TMEFF1: variants seen among roughly 807,000 people sequenced by gnomAD.
The protein encoded by TMEFF1 is transmembrane protein with EGF like and two follistatin like domains 1, also known as tomoregulin-1.
Under a neutral mutation model 47.5 loss-of-function variants are expected in TMEFF1, and 20 were observed. The ratio of observed to expected loss-of-function variants is 0.42; its 90% confidence interval spans 0.30 to 0.61. The LOEUF (loss-of-function observed/expected upper bound fraction) is 0.61. TMEFF1 is among the 20% of genes least tolerant of loss of function. The pLI, the probability that TMEFF1 is intolerant of heterozygous loss-of-function variation, is 0.19. For missense variants in TMEFF1, 411 were observed against 471.1 expected (o/e 0.87, Z 1.18); for synonymous variants, 162 against 166.3 (o/e 0.97, Z 0.20).
At chr9:100,531,472 G>T (rs1042971962) in intron 5 of TMEFF1, among the ~76,000 whole-genome samples, 35 of 152,206 alleles carry the variant, frequency 2.3e-4, no homozygotes, top group Admixed American at 2.0e-4. Context: ...AATCATGAGT[G>T]AGCTCCCATT....
At chr9:100,573,885 A>T (rs535429138) in intron 9 of TMEFF1, among the ~76,000 whole-genome samples, 2 of 152,290 alleles carry the variant, frequency 1.3e-5, no homozygotes, top group African/African-American at 4.8e-5. Context: ...ATTGGACGGT[A>T]GATCAAAGTA....
chr9:100,566,729 G>A (rs538279365), intron 8 of TMEFF1, among the ~76,000 whole-genome samples: 100 of 151,508 alleles, frequency 6.6e-4, no homozygotes, highest in Non-Finnish European at 1.1e-3. Context: ...TTTTGAGACA[G>A]GGTCTCACTC....
chr9:100,504,179 G>A (rs1837815794), intron 2 of TMEFF1, among the ~76,000 whole-genome samples: 1 of 152,178 alleles, frequency 6.6e-6, no homozygotes, highest in Non-Finnish European at 1.5e-5. Flanking sequence ...GCAGACTTTA[G>A]GTTAGACTTA....
intron 7 of TMEFF1, among the ~76,000 whole-genome samples, chr9:100,556,694 G>A (rs1838921102): frequency 6.6e-6 from 1 of 152,148 alleles, no homozygotes. Context: ...AAACCAGATG[G>A]CCTCCAAGGA....
intron 7 of TMEFF1, among the ~76,000 whole-genome samples, chr9:100,551,829 T>C (rs1336267974): frequency 6.6e-6 from 1 of 152,242 alleles, no homozygotes; most frequent in Admixed American, 6.5e-5. Flanking sequence ...AGAAATTGAT[T>C]ATTGCTATAA....
chr9:100,511,143 G>A (rs1026648400), intron 3 of TMEFF1, among the ~76,000 whole-genome samples: 3 of 152,160 alleles, frequency 2.0e-5, no homozygotes, highest in Admixed American at 2.0e-4. Context: ...AGTAGACTAT[G>A]ATTTGGTGTG....
intron 1 of TMEFF1, among the ~76,000 whole-genome samples, chr9:100,489,459 G>A (rs1463928574): frequency 6.6e-6 from 1 of 152,082 alleles, no homozygotes. Flanking sequence ...CCAAAGTGTT[G>A]GGATTACAGG....
At chr9:100,474,797 C>T (rs902776880) in intron 1 of TMEFF1, among the ~76,000 whole-genome samples, 3 of 151,966 alleles carry the variant, frequency 2.0e-5, no homozygotes, top group African/African-American at 7.3e-5. Context: ...AGGCCGCTTG[C>T]CCCCCCACAG....
intron 5 of TMEFF1, among the ~76,000 whole-genome samples, chr9:100,536,334 T>G (rs912552341): frequency 6.6e-6 from 1 of 152,196 alleles, no homozygotes; most frequent in African/African-American, 2.4e-5. Flanking sequence ...CTCAAAAAAT[T>G]TTTTAAATGA....
intron 5 of TMEFF1, among the ~76,000 whole-genome samples, chr9:100,537,856 G>A (rs1262318439): frequency 6.6e-6 from 1 of 151,852 alleles, no homozygotes; most frequent in Non-Finnish European, 1.5e-5. Context: ...TTCACCTCTT[G>A]TTTTCCAGAA....
At chr9:100,548,822 C>G (rs1838783578) in intron 6 of TMEFF1, among the ~76,000 whole-genome samples, 1 of 152,112 alleles carries the variant, frequency 6.6e-6, no homozygotes, top group Non-Finnish European at 1.5e-5. Flanking sequence ...GCTCATCAGA[C>G]AATTTTTAGG....
intron 8 of TMEFF1, among the ~76,000 whole-genome samples, chr9:100,571,976 T>C (rs1014579484): frequency 2.0e-5 from 3 of 152,078 alleles, no homozygotes; most frequent in African/African-American, 4.8e-5. Flanking sequence ...TGGGTGGTAA[T>C]GTGAGTGATG....
intron 5 of TMEFF1, among the ~76,000 whole-genome samples, chr9:100,524,543 A>C (rs559058868): frequency 6.6e-6 from 1 of 152,180 alleles, no homozygotes; most frequent in Non-Finnish European, 1.5e-5. Flanking sequence ...TAGGCTCACT[A>C]TAGTTGAGGC....
Position 100,509,025 on chromosome 9 carries a change from TG to T in TMEFF1, c.328del (p.Val110SerfsTer26). ...QFQCHTNYIP[V>X]CGSNGDTYQN... ...TGCAGTGCCATACAAATTATATTCC[TG>T]TCTGTGGATCAAATGGGGACACTTA... On this transcript the variant is annotated frameshift_variant, in exon 3 of 10. Coordinates refer to ENST00000374879, the MANE Select transcript of TMEFF1 (RefSeq NM_003692.5). LOFTEE classifies it high-confidence loss of function. 1 of 1,599,238 alleles carries T rather than the reference TG, an allele frequency of 6.3e-7. No homozygotes were observed. The highest frequency in any genetic ancestry group is 8.5e-7 in the Non-Finnish European group (1 of 1,175,186).
At chr9:100,502,901 A>C (rs745516676) in intron 2 of TMEFF1, among the ~76,000 whole-genome samples, 1 of 152,194 alleles carries the variant, frequency 6.6e-6, no homozygotes, top group Non-Finnish European at 1.5e-5. Context: ...GATGCTGAGG[A>C]TGTAAAGATG....
rs528632386 is a variant in TMEFF1 at position 100,478,786 on chromosome 9, T to A, written c.196+5046T>A. On this transcript the variant is annotated intron_variant, in intron 1 of 9. Coordinates refer to ENST00000374879, the MANE Select transcript of TMEFF1 (RefSeq NM_003692.5). The stretch of plus-strand genomic sequence containing the variant: ...AGACTGACTGACTTTGTTTTTCATT[T>A]GTGAAATGAAGATGATGATGGTCCT... 5.3e-5 allele frequency among the ~76,000 whole-genome samples: 8 copies of A among 152,368 alleles called. No homozygotes were observed. In the East Asian group the frequency reaches 1.5e-3, roughly 29 times the overall value.
At chr9:100,535,609 A>G (rs1047694333) in intron 5 of TMEFF1, among the ~76,000 whole-genome samples, 2 of 152,212 alleles carry the variant, frequency 1.3e-5, no homozygotes, top group African/African-American at 2.4e-5. Flanking sequence ...TGCCTCTACC[A>G]AAAATATAAA....
intron 5 of TMEFF1, among the ~76,000 whole-genome samples, chr9:100,519,083 A>G (rs1206991648): frequency 6.6e-6 from 1 of 152,174 alleles, no homozygotes; most frequent in Non-Finnish European, 1.5e-5. Flanking sequence ...ATTATTATGA[A>G]CTGCATTGGA....
chr9:100,575,615 A>G (rs1271619255), intron 9 of TMEFF1, among the ~76,000 whole-genome samples: 1 of 152,198 alleles, frequency 6.6e-6, no homozygotes, highest in East Asian at 1.9e-4. Context: ...ACTCTTTGAA[A>G]TCGAACGAAA....
Sources: allele counts gnomAD v4.1 joint callset (sites outside exome capture counted in the v4.1 genomes callset), GRCh38; gene constraint gnomAD v4.1.1; transcripts MANE v1.5; gene names NCBI Gene and HGNC (gene_info 2026-07-23, HGNC 2026-07-21).